TTLL11: variants seen among roughly 807,000 people sequenced by gnomAD.
TTLL11 encodes the protein tubulin tyrosine ligase like 11, also known as tubulin polyglutamylase TTLL11.
In TTLL11, 42 loss-of-function variants were observed where a neutral mutation model predicts 51.7. That is an observed-to-expected ratio of 0.81 (90% confidence interval 0.64 to 1.05). The LOEUF (loss-of-function observed/expected upper bound fraction) is 1.05, where lower values mean the gene tolerates loss of function less well. TTLL11 is among the 50% of genes least tolerant of loss of function. The pLI, the probability that TTLL11 is intolerant of heterozygous loss-of-function variation, is 0.00. For missense variants in TTLL11, 799 were observed against 940.4 expected, an observed-to-expected ratio of 0.85 and a Z score of 1.97; for synonymous variants, 381 against 383.5, an observed-to-expected ratio of 0.99 and a Z score of 0.08.
chr9:121,882,679 G>A (rs934022711), intron 6 of TTLL11, among the ~76,000 whole-genome samples: 4 of 151,772 alleles, frequency 2.6e-5, no homozygotes, highest in South Asian at 2.1e-4. Context: ...CCTGTACCTC[G>A]TGCCACCTCT....
At chr9:121,829,807 A>C (rs1350647525) in intron 8 of TTLL11, among the ~76,000 whole-genome samples, 1 of 150,884 alleles carries the variant, frequency 6.6e-6, no homozygotes, top group East Asian at 2.0e-4. Flanking sequence ...ACACACACAC[A>C]CACACACCAC....
chr9:122,053,705 C>T (rs1845221919), intron 1 of TTLL11, among the ~76,000 whole-genome samples: 2 of 152,096 alleles, frequency 1.3e-5, no homozygotes, highest in African/African-American at 2.4e-5. Flanking sequence ...TGGGGGAAGG[C>T]GTGGGAGAGT....
intron 6 of TTLL11, among the ~76,000 whole-genome samples, chr9:121,972,513 G>C (rs1249323253): frequency 6.6e-6 from 1 of 152,226 alleles, no homozygotes; most frequent in Non-Finnish European, 1.5e-5. Context: ...GCAAACTACA[G>C]GTAAACATTC....
chr9:121,868,427 G>C (rs1301562060), intron 7 of TTLL11, among the ~76,000 whole-genome samples: 2 of 152,216 alleles, frequency 1.3e-5, no homozygotes, highest in African/African-American at 4.8e-5. Context: ...TAAGATGGAA[G>C]TGGAAGTCAC....
At chr9:122,033,067 C>T (rs2131811610) in intron 2 of TTLL11, among the ~76,000 whole-genome samples, 1 of 152,284 alleles carries the variant, frequency 6.6e-6, no homozygotes, top group African/African-American at 2.4e-5. Context: ...TCCCAAAGCC[C>T]TGGAATTACA....
chr9:121,893,470 C>T (rs1037567828), intron 6 of TTLL11, among the ~76,000 whole-genome samples: 5 of 152,144 alleles, frequency 3.3e-5, no homozygotes, highest in African/African-American at 1.2e-4. Context: ...CTATTATCCC[C>T]ATTTTACAGA....
intron 6 of TTLL11, among the ~76,000 whole-genome samples, chr9:121,889,797 G>A (rs1588098266): frequency 1.3e-5 from 2 of 152,118 alleles, no homozygotes; most frequent in East Asian, 1.9e-4. Flanking sequence ...CTACTCTGGC[G>A]GCTGAGGCAG....
intron 1 of TTLL11, among the ~76,000 whole-genome samples, chr9:122,068,810 T>A (rs1213964140): frequency 6.6e-6 from 1 of 152,110 alleles, no homozygotes; most frequent in Non-Finnish European, 1.5e-5. Context: ...TGTGACCAGG[T>A]GCCTGAGTTC....
At chr9:121,839,730 T>TC (rs11417240) in intron 8 of TTLL11, among the ~76,000 whole-genome samples, 9,022 of 152,008 alleles carry the variant, frequency 0.059, 746 homozygotes, top group African/African-American at 0.19. Flanking sequence ...CTCTTCCCCA[T>TC]CCCCCCGACT....
chr9:121,975,230 T>G (rs1171907927), intron 4 of TTLL11, among the ~76,000 whole-genome samples: 1 of 152,178 alleles, frequency 6.6e-6, no homozygotes, highest in Non-Finnish European at 1.5e-5. Flanking sequence ...GAAGGGCTGT[T>G]GATGACCTCT....
chr9:122,058,184 C>T (rs184954567), intron 1 of TTLL11, among the ~76,000 whole-genome samples: 5 of 152,306 alleles, frequency 3.3e-5, no homozygotes, highest in African/African-American at 7.2e-5. Context: ...TAGGTTTCCT[C>T]GAGGCAGGAA....
intron 1 of TTLL11, among the ~76,000 whole-genome samples, chr9:122,070,020 C>T (rs953901940): frequency 1.3e-5 from 2 of 151,936 alleles, no homozygotes; most frequent in African/African-American, 4.8e-5. Flanking sequence ...CACGCGCACA[C>T]ACACACACAC....
At chr9:121,998,138 C>A (rs1383655197) in intron 3 of TTLL11, among the ~76,000 whole-genome samples, 1 of 152,132 alleles carries the variant, frequency 6.6e-6, no homozygotes, top group Non-Finnish European at 1.5e-5. Context: ...AGCTCACTTC[C>A]GAATGTATAC....
chr9:121,972,630 C>T (rs1842606735), intron 6 of TTLL11, among the ~76,000 whole-genome samples: 1 of 152,272 alleles, frequency 6.6e-6, no homozygotes, highest in Admixed American at 6.5e-5. Context: ...CAGACTATGA[C>T]CAATACTTCT....
At chr9:121,876,749 A>C (rs1473665789) in intron 6 of TTLL11, among the ~76,000 whole-genome samples, 1 of 152,212 alleles carries the variant, frequency 6.6e-6, no homozygotes, top group South Asian at 2.1e-4. Context: ...AACGATTCTG[A>C]AAGTGTGGTC....
At chr9:121,899,365 G>GTGTGTATATATACATA (rs1226221957) in intron 6 of TTLL11, among the ~76,000 whole-genome samples, 10 of 113,238 alleles carry the variant, frequency 8.8e-5, no homozygotes, top group Admixed American at 2.1e-4. Flanking sequence ...ATGTGTGTGT[G>GTGTGTATATATACATA]TATATATATA....
intron 2 of TTLL11, among the ~76,000 whole-genome samples, chr9:122,035,412 C>T (rs775059387): frequency 6.6e-6 from 1 of 152,240 alleles, no homozygotes; most frequent in Non-Finnish European, 1.5e-5. Flanking sequence ...GTCTGCTACG[C>T]TGGAGTCTCA....
chr9:122,046,928 C>T (rs556103646), intron 1 of TTLL11, among the ~76,000 whole-genome samples: 27 of 152,194 alleles, frequency 1.8e-4, no homozygotes, highest in East Asian at 7.7e-4. Context: ...GTACCTCCTA[C>T]GCGCCAAAGG....
intron 3 of TTLL11, among the ~76,000 whole-genome samples, chr9:122,001,946 A>G (rs375304025): frequency 5.7e-4 from 87 of 152,326 alleles, no homozygotes; most frequent in African/African-American, 2.1e-3. Flanking sequence ...TGATCACCCT[A>G]AAACTCCAGG....
Sources: allele counts gnomAD v4.1 joint callset (sites outside exome capture counted in the v4.1 genomes callset), GRCh38; gene constraint gnomAD v4.1.1; transcripts MANE v1.5; gene names NCBI Gene and HGNC (gene_info 2026-07-23, HGNC 2026-07-21).